The following TNFRSF19 variants were observed in gnomAD, a reference collection of about 807,000 sequenced individuals.
The protein encoded by TNFRSF19 is tumor necrosis factor receptor superfamily member 19.
TNFRSF19 carries 27 observed loss-of-function variants against 46.4 expected under a neutral mutation model. The observed-to-expected ratio is 0.58, with a 90% CI of 0.43 to 0.80. The LOEUF (loss-of-function observed/expected upper bound fraction) is 0.80. Among genes scored for constraint, TNFRSF19 ranks in the 30% least tolerant of loss-of-function variants. The pLI, the probability that TNFRSF19 is intolerant of heterozygous loss-of-function variation, is 0.00. For missense variants in TNFRSF19, 511 were observed against 530.8 expected (o/e 0.96, Z 0.37); for synonymous variants, 204 against 205.0 (o/e 1.00, Z 0.04).
intron 5 of TNFRSF19, among the ~76,000 whole-genome samples, chr13:23,639,737 G>C (rs1017306999): frequency 1.3e-5 from 2 of 152,230 alleles, no homozygotes; most frequent in African/African-American, 4.8e-5. Context: ...TGGAGGGAGC[G>C]GGCGACAGTG....
At chr13:23,572,606 G>A (rs1877702635) in intron 1 of TNFRSF19, among the ~76,000 whole-genome samples, 1 of 152,102 alleles carries the variant, frequency 6.6e-6, no homozygotes, top group African/African-American at 2.4e-5. Context: ...ATTAATTTAG[G>A]CTTTGTAGAA....
chr13:23,584,929 G>A (rs1407531797), intron 1 of TNFRSF19, among the ~76,000 whole-genome samples: 45 of 152,126 alleles, frequency 3.0e-4, no homozygotes, highest in Admixed American at 2.8e-3. Flanking sequence ...GCTAGAAGCC[G>A]GGGGTTATTG....
Position 23,638,382 on chromosome 13 carries a change from G to A in TNFRSF19, c.445+11590G>A, listed in dbSNP as rs539366291. Among the ~76,000 whole-genome samples, 7 of 152,312 alleles carry A rather than the reference G, an allele frequency of 4.6e-5. No individual in the cohort carries two copies. In the South Asian group the frequency reaches 1.5e-3, roughly 32 times the overall value. On this transcript the variant is annotated intron_variant, in intron 5 of 9. Coordinates refer to ENST00000248484, the MANE Select transcript of TNFRSF19 (RefSeq NM_148957.4). Reference sequence around the variant, plus strand: ...AAAGAGGATCCTGAAGCAGTGAGTTGCTCCGGCATAATGGGGTGCCTTCAG... The same window carrying A: ...AAAGAGGATCCTGAAGCAGTGAGTTACTCCGGCATAATGGGGTGCCTTCAG...
At chr13:23,626,941 A>G (rs1882053859) in intron 5 of TNFRSF19, 149 bp downstream of exon 5, 1 of 685,998 alleles carries the variant, frequency 1.5e-6, no homozygotes, top group Non-Finnish European at 2.4e-6. Flanking sequence ...GGCTTCTGGC[A>G]GGACAGAAAG....
chr13:23,626,721 C>T lies in TNFRSF19; in HGVS notation c.374C>T (p.Thr125Met), dbSNP rs373411330. 46 of 1,614,080 alleles carry T rather than the reference C, an allele frequency of 2.8e-5. No individual in the cohort carries two copies. The highest frequency in any genetic ancestry group is 5.5e-5 in the South Asian group (5 of 91,074). ...TTCTCTTCTAGATTTTATAGGAAGA[C>T]GAAACTTGTCGGCTTTCAAGACATG... Reference protein sequence around the residue: ...GDCLPGFYRKTKLVGFQDMEC... With the variant: ...GDCLPGFYRKMKLVGFQDMEC... Residue 125 changes from threonine (T) to methionine (M), a missense_variant, in exon 5 of 10, where the codon ACG becomes ATG. Physicochemically the swap from Thr to Met is moderately conservative, Grantham distance 81. Transcript: ENST00000248484.
intron 3 of TNFRSF19, among the ~76,000 whole-genome samples, chr13:23,606,445 C>T (rs1261381384): frequency 6.6e-6 from 1 of 152,208 alleles, no homozygotes; most frequent in Non-Finnish European, 1.5e-5. Context: ...TTAGGACCCA[C>T]TCAGGTGCAC....
Position 23,668,771 on chromosome 13 carries a change from G to T in TNFRSF19, c.919G>T (p.Ala307Ser). 6.2e-7 allele frequency: 1 copy of T among 1,614,248 alleles called. No individual in the cohort carries two copies. Among genetic ancestry groups the T allele is most frequent in the Non-Finnish European group, 8.5e-7 (1 of 1,180,044 alleles). Reference protein sequence around the residue: ...TQSICGEFSDAWPLMQNPMGG... With the variant: ...TQSICGEFSDSWPLMQNPMGG... The stretch of plus-strand genomic sequence containing the variant: ...GTCCATCTGTGGCGAGTTTTCAGAT[G>T]CCTGGCCTCTGATGCAGAATCCCAT... The change falls in exon 9 of 10, where the codon GCC (alanine) becomes TCC (serine). Residue 307 changes from alanine (A) to serine (S), a missense_variant. Around this residue, in one of 3 missense-constraint regions of TNFRSF19, gnomAD observed 376 missense variants for 372.7 expected, o/e 1.01. Transcript: ENST00000248484.
intron 5 of TNFRSF19, among the ~76,000 whole-genome samples, chr13:23,635,726 GA>G (rs1345489731): frequency 6.6e-6 from 1 of 152,110 alleles, no homozygotes; most frequent in African/African-American, 2.4e-5. Flanking sequence ...TTATCTCAGA[GA>G]AAATATTTTA....
At chr13:23,651,410 T>A (rs1215080863) in intron 5 of TNFRSF19, among the ~76,000 whole-genome samples, 1 of 152,220 alleles carries the variant, frequency 6.6e-6, no homozygotes, top group Non-Finnish European at 1.5e-5. Context: ...TGCTTGCATT[T>A]CCAATTATGT....
intron 1 of TNFRSF19, among the ~76,000 whole-genome samples, chr13:23,584,664 T>G (rs1217930922): frequency 2.0e-5 from 3 of 151,490 alleles, no homozygotes; most frequent in Non-Finnish European, 4.4e-5. Context: ...ATAGAGGCCC[T>G]TACTGTTTTG....
chr13:23,590,953 A>C (rs1333474), intron 2 of TNFRSF19, among the ~76,000 whole-genome samples: 45,074 of 152,170 alleles, frequency 0.3, 6,802 homozygotes, highest in South Asian at 0.34. Flanking sequence ...GATTTTTAAA[A>C]GTTATTATTT....
At chr13:23,639,424 A>G (rs1238169179) in intron 5 of TNFRSF19, among the ~76,000 whole-genome samples, 5 of 152,198 alleles carry the variant, frequency 3.3e-5, no homozygotes, top group Admixed American at 6.5e-5. Flanking sequence ...TTAAATTCAT[A>G]TAGCCCCCGT....
intron 5 of TNFRSF19, among the ~76,000 whole-genome samples, chr13:23,658,483 AG>A (rs1465503472): frequency 6.6e-6 from 1 of 152,192 alleles, no homozygotes; most frequent in Non-Finnish European, 1.5e-5. Context: ...TAACAGTATT[AG>A]TCTTTTCTCC....
At chr13:23,573,513 CATT>C (rs1324588938) in intron 1 of TNFRSF19, among the ~76,000 whole-genome samples, 1 of 152,048 alleles carries the variant, frequency 6.6e-6, no homozygotes, top group Non-Finnish European at 1.5e-5. Context: ...ACGAGTTTGG[CATT>C]ATATCAACAC....
intron 7 of TNFRSF19, among the ~76,000 whole-genome samples, chr13:23,662,247 C>T (rs1884413644): frequency 6.6e-6 from 1 of 152,172 alleles, no homozygotes; most frequent in African/African-American, 2.4e-5. Flanking sequence ...TAATCTTTGG[C>T]ATATGGCTAG....
intron 1 of TNFRSF19, among the ~76,000 whole-genome samples, chr13:23,587,824 CT>C (rs1184731686): frequency 6.6e-6 from 1 of 152,070 alleles, no homozygotes; most frequent in African/African-American, 2.4e-5. Context: ...AAAAGCTATC[CT>C]TTTTTAAAGC....
chr13:23,591,005 AAC>A (rs1364543723), intron 2 of TNFRSF19, among the ~76,000 whole-genome samples: 2 of 152,360 alleles, frequency 1.3e-5, no homozygotes, highest in South Asian at 4.1e-4. Flanking sequence ...AAAAGCAGGA[AAC>A]ACAGATGGAA....
At chr13:23,575,274 A>C (rs1230407044) in intron 1 of TNFRSF19, among the ~76,000 whole-genome samples, 1 of 152,238 alleles carries the variant, frequency 6.6e-6, no homozygotes, top group Admixed American at 6.5e-5. Context: ...CAAGTGCTGC[A>C]ACTTGTAACA....
intron 5 of TNFRSF19, among the ~76,000 whole-genome samples, chr13:23,653,875 C>G (rs1170162222): frequency 6.6e-6 from 1 of 152,172 alleles, no homozygotes; most frequent in African/African-American, 2.4e-5. Context: ...ACAGCCAGGC[C>G]ACAGTGGCCA....
Sources: gnomAD v4.1 joint callset for allele counts (sites outside exome capture counted in the v4.1 genomes callset) on GRCh38, gnomAD v4.1.1 for gene constraint, gnomAD v4.1.1 regional missense constraint, MANE v1.5 for transcripts, NCBI Gene and HGNC (gene_info 2026-07-23, HGNC 2026-07-21) for gene names.